Variants in BPIFB6 observed in about 807,000 individuals in gnomAD.
The protein encoded by BPIFB6 is BPI fold-containing family B member 6.
A neutral mutation model predicts 54.7 loss-of-function variants in BPIFB6; 47 were observed. The ratio of observed to expected loss-of-function variants is 0.86; its 90% confidence interval spans 0.68 to 1.10. The LOEUF (loss-of-function observed/expected upper bound fraction) is 1.10, where lower values mean the gene tolerates loss of function less well. Among genes scored for constraint, BPIFB6 ranks in the 50% least tolerant of loss-of-function variants. The pLI is 0.00. For missense variants in BPIFB6, 603 were observed against 564.1 expected, an observed-to-expected ratio of 1.07 and a Z score of -0.70; for synonymous variants, 255 against 225.9, an observed-to-expected ratio of 1.13 and a Z score of -1.16.
chr20:33,032,945 C>T lies in BPIFB6; in HGVS notation c.98-39C>T, dbSNP rs748133705. The T allele has an allele frequency of 3.9e-6, 6 of 1,540,608 alleles. No individual in the cohort carries two copies. The African/African-American group carries it at 5.4e-5, about 14-fold the overall frequency. Reference sequence around the variant, plus strand: ...TGGCCTGGGATACCTGAGTGATTGGCCCAGGGAAAATCTCTCCAACTAAGT... The same window carrying T: ...TGGCCTGGGATACCTGAGTGATTGGTCCAGGGAAAATCTCTCCAACTAAGT... On this transcript the variant is annotated intron_variant, in intron 1 of 14. Transcript: ENST00000349552.
intron 9 of BPIFB6, 73 bp downstream of exon 9, chr20:33,039,035 G>A: frequency 2.0e-6 from 3 of 1,472,610 alleles, no homozygotes; most frequent in Non-Finnish European, 2.8e-6. Flanking sequence ...CCTGCAGTGG[G>A]ACTTGGGAGA....
intron 7 of BPIFB6, 79 bp downstream of exon 7, chr20:33,036,615 G>A: frequency 1.5e-6 from 2 of 1,357,102 alleles, no homozygotes; most frequent in South Asian, 1.2e-5. Flanking sequence ...TGCCAGGACA[G>A]GTGGCTGGAC....
intron 2 of BPIFB6, 23 bp from the exon 3 acceptor site, chr20:33,034,163 T>A: frequency 6.4e-7 from 1 of 1,567,458 alleles, no homozygotes; most frequent in Non-Finnish European, 8.8e-7. Context: ...ATCTTATTGG[T>A]GTGGCTGCCT....
chr20:33,039,643 C>T, intron 10 of BPIFB6, 123 bp downstream of exon 10: 1 of 1,115,810 alleles, frequency 9.0e-7, no homozygotes, highest in Admixed American at 2.7e-5. Flanking sequence ...TTGATTATGT[C>T]TGATCCTTGG....
In BPIFB6 at chr20:33,039,355, A is replaced by G. The variant is rs1169446548; in HGVS notation, c.909A>G (p.Val303=). The G allele has an allele frequency of 1.9e-6, 3 of 1,610,948 alleles. No individual in the cohort carries two copies. The highest frequency in any genetic ancestry group is 1.7e-4 in the Middle Eastern group (1 of 6,044). Reference sequence around the variant, plus strand: ...TGTTCTGGTTTCTGTAGGTGGCTGTAGCTTATCCCAAGTCAAAGCCCTTGA... The same window carrying G: ...TGTTCTGGTTTCTGTAGGTGGCTGTGGCTTATCCCAAGTCAAAGCCCTTGA... ...TLARFIPEVA[V]AYPKSKPLTT... The change falls in exon 10 of 15, where the codon GTA becomes GTG. Residue 303 remains valine, a synonymous_variant. Coordinates refer to ENST00000349552, the MANE Select transcript of BPIFB6 (RefSeq NM_174897.2).
At chr20:33,043,164 G>T (rs1600528369) in intron 13 of BPIFB6, 127 bp from the exon 14 acceptor site, 5 of 859,734 alleles carry the variant, frequency 5.8e-6, no homozygotes, top group Non-Finnish European at 9.7e-6. Flanking sequence ...TTAGCTCTTT[G>T]CTTGTACAGC....
At chr20:33,038,803 G>A in intron 8 of BPIFB6, 106 bp from the exon 9 acceptor site, 2 of 1,085,738 alleles carry the variant, frequency 1.8e-6, no homozygotes, top group South Asian at 2.5e-5. Context: ...TAAGTATTGT[G>A]ATGAAGGGAG....
intron 1 of BPIFB6, among the ~76,000 whole-genome samples, chr20:33,032,422 C>G (rs1017734003): frequency 1.3e-5 from 2 of 152,158 alleles, no homozygotes; most frequent in Admixed American, 6.5e-5. Context: ...TTCTCTGCTT[C>G]AGGCCCAAAG....
chr20:33,039,470 G>A lies in BPIFB6; in HGVS notation c.1024G>A (p.Ala342Thr), dbSNP rs45495506. The A allele has an allele frequency of 1.9e-3, 3,119 of 1,614,010 alleles. 3 individuals are homozygous for A. The highest frequency in any genetic ancestry group is 2.3e-3 in the Non-Finnish European group (2,765 of 1,179,940). The change falls in exon 10 of 15, where the codon GCA (alanine) becomes ACA (threonine). Residue 342 changes from alanine to threonine, a missense_variant. Physicochemically the swap from Ala to Thr is moderately conservative, Grantham distance 58. Coordinates refer to ENST00000349552, the MANE Select transcript of BPIFB6 (RefSeq NM_174897.2). ...CCTCCACAGCACCCTGGAGATGTTC[G>A]CAGCTCGGTGGCGGAGCAAGGCTCC... ...LHLHSTLEMF[A>T]ARWRSKAPMS...
At chr20:33,034,152 G>C (rs549073591) in intron 2 of BPIFB6, 34 bp from the exon 3 acceptor site, 1 of 1,522,542 alleles carries the variant, frequency 6.6e-7, no homozygotes, top group East Asian at 2.3e-5. Flanking sequence ...TGCCTGCTCA[G>C]ATCTTATTGG....
intron 7 of BPIFB6, among the ~76,000 whole-genome samples, chr20:33,036,905 G>A (rs2146365529): frequency 6.6e-6 from 1 of 152,300 alleles, no homozygotes; most frequent in South Asian, 2.1e-4. Context: ...GCACAAGGCA[G>A]GGAAGAGACC....
intron 3 of BPIFB6, 35 bp from the exon 4 acceptor site, chr20:33,034,728 A>G: frequency 1.3e-6 from 2 of 1,571,244 alleles, no homozygotes; most frequent in Non-Finnish European, 1.7e-6. Context: ...ACCATGGCAG[A>G]GATGCCCATG....
intron 8 of BPIFB6, among the ~76,000 whole-genome samples, chr20:33,038,535 C>A (rs1979440867): frequency 6.6e-6 from 1 of 152,194 alleles, no homozygotes; most frequent in Non-Finnish European, 1.5e-5. Context: ...ACCCATCCAT[C>A]CATTCATCAT....
At chr20:33,039,794 G>A (rs898073445) in intron 10 of BPIFB6, among the ~76,000 whole-genome samples, 4 of 152,224 alleles carry the variant, frequency 2.6e-5, no homozygotes, top group Non-Finnish European at 5.9e-5. Context: ...GACTGTGGGT[G>A]CCTAGGGAGA....
intron 3 of BPIFB6, 21 bp from the exon 4 acceptor site, chr20:33,034,742 C>A: frequency 6.3e-7 from 1 of 1,580,920 alleles, no homozygotes; most frequent in Non-Finnish European, 8.6e-7. Flanking sequence ...GCCCATGGTG[C>A]CCTCCTGCTC....
rs552674931 is a variant in BPIFB6 at position 33,041,958 on chromosome 20, A to G, written c.1143-12A>G. 6 of 1,612,348 alleles carry G rather than the reference A, an allele frequency of 3.7e-6. No homozygotes were observed. In the South Asian group the frequency reaches 6.6e-5, roughly 18 times the overall value. Reference sequence around the variant, plus strand: ...CCCTCCCCGCCTGGCTTGCTTCCCCACTCCCCCACAGATTACTGAGCTTGT... The same window carrying G: ...CCCTCCCCGCCTGGCTTGCTTCCCCGCTCCCCCACAGATTACTGAGCTTGT... On this transcript the variant is annotated splice_polypyrimidine_tract_variant and intron_variant, in intron 11 of 14. Coordinates refer to ENST00000349552, the MANE Select transcript of BPIFB6 (RefSeq NM_174897.2).
chr20:33,033,738 G>A (rs931957370), intron 2 of BPIFB6: 1 of 441,442 alleles, frequency 2.3e-6, no homozygotes, highest in African/African-American at 2.0e-5. Context: ...AAGTTGCGGG[G>A]ACTGGGGGAA....
At chr20:33,038,867 G>A (rs1484911815) in intron 8 of BPIFB6, 42 bp from the exon 9 acceptor site, 1 of 1,597,280 alleles carries the variant, frequency 6.3e-7, no homozygotes. Flanking sequence ...GGATGGGCCA[G>A]GGAGGACTCC....
chr20:33,035,295 GC>G, intron 5 of BPIFB6, 151 bp downstream of exon 5: 2 of 806,780 alleles, frequency 2.5e-6, no homozygotes, highest in South Asian at 1.7e-5. Flanking sequence ...GGAAGAAAGT[GC>G]CACAATCATC....
Sources: gnomAD v4.1 joint callset for allele counts (sites outside exome capture counted in the v4.1 genomes callset) on GRCh38, gnomAD v4.1.1 for gene constraint, MANE v1.5 for transcripts, NCBI Gene and HGNC (gene_info 2026-07-23, HGNC 2026-07-21) for gene names.